Variants in LARGE1 observed in about 807,000 individuals in gnomAD.
The protein encoded by LARGE1 is xylosyl- and glucuronyltransferase LARGE1.
Under a neutral mutation model 87.6 loss-of-function variants are expected in LARGE1, and 43 were observed. That is an observed-to-expected ratio of 0.49 (90% confidence interval 0.38 to 0.63). LARGE1 has a LOEUF of 0.63. Ranked by LOEUF, LARGE1 falls within the 30% of genes least tolerant of loss-of-function variation. LARGE1 has a pLI of 0.00. For synonymous variants in LARGE1, 434 were observed against 394.6 expected, an observed-to-expected ratio of 1.10 and a Z score of -1.18; for missense variants, 802 against 1,000.2, an observed-to-expected ratio of 0.80 and a Z score of 2.67.
intron 1 of LARGE1, among the ~76,000 whole-genome samples, chr22:33,867,679 T>C (rs765908081): frequency 3.3e-5 from 5 of 152,244 alleles, no homozygotes; most frequent in Non-Finnish European, 7.3e-5. Flanking sequence ...TCACTGGATC[T>C]ACTTCGCACC....
intron 6 of LARGE1, among the ~76,000 whole-genome samples, chr22:33,559,941 G>A (rs1442710830): frequency 2.6e-5 from 4 of 152,058 alleles, no homozygotes; most frequent in African/African-American, 7.2e-5. Flanking sequence ...CTACAACCTG[G>A]TGTATATGGT....
intron 3 of LARGE1, among the ~76,000 whole-genome samples, chr22:33,626,939 A>T (rs2079940663): frequency 6.6e-6 from 1 of 152,200 alleles, no homozygotes; most frequent in Admixed American, 6.5e-5. Flanking sequence ...TGACCCTGGG[A>T]GTGCTGCAGG....
At chr22:33,534,466 C>T (rs1228431104) in intron 6 of LARGE1, among the ~76,000 whole-genome samples, 2 of 151,962 alleles carry the variant, frequency 1.3e-5, no homozygotes, top group South Asian at 2.1e-4. Context: ...ACTGCATCCA[C>T]GAGTGAGGGT....
At chr22:33,511,221 C>T (rs1036536975) in intron 6 of LARGE1, among the ~76,000 whole-genome samples, 10 of 152,166 alleles carry the variant, frequency 6.6e-5, no homozygotes, top group South Asian at 2.1e-4. Context: ...GTTGCTGATG[C>T]CAGCCACATG....
intron 2 of LARGE1, among the ~76,000 whole-genome samples, chr22:33,748,024 C>CA (rs535230421): frequency 0.13 from 2,869 of 21,680 alleles, 878 homozygotes; most frequent in Non-Finnish European, 0.2. Flanking sequence ...TCTGCTGGAG[C>CA]AAAAAAAAAA....
intron 1 of LARGE1, among the ~76,000 whole-genome samples, chr22:33,843,378 A>C (rs1303302359): frequency 6.6e-6 from 1 of 151,896 alleles, no homozygotes; most frequent in Non-Finnish European, 1.5e-5. Flanking sequence ...CAGAGTTTGC[A>C]GTGAGACGAG....
At chr22:33,712,126 G>A (rs1349525137) in intron 2 of LARGE1, among the ~76,000 whole-genome samples, 1 of 152,086 alleles carries the variant, frequency 6.6e-6, no homozygotes, top group Non-Finnish European at 1.5e-5. Flanking sequence ...TAGAGCTAAT[G>A]CCAAGATTCA....
At chr22:33,280,079 G>T (rs1300773719) in intron 13 of LARGE1, among the ~76,000 whole-genome samples, 1 of 152,132 alleles carries the variant, frequency 6.6e-6, no homozygotes, top group African/African-American at 2.4e-5. Context: ...CATCTAAGAG[G>T]AATTCAATAA....
intron 6 of LARGE1, among the ~76,000 whole-genome samples, chr22:33,560,981 A>AT (rs2077840315): frequency 4.0e-5 from 6 of 151,864 alleles, no homozygotes; most frequent in Admixed American, 3.9e-4. Flanking sequence ...CGCCCAGCTA[A>AT]TTTTTTGTAT....
intron 6 of LARGE1, among the ~76,000 whole-genome samples, chr22:33,495,829 G>C (rs2070088360): frequency 6.6e-6 from 1 of 152,164 alleles, no homozygotes; most frequent in Non-Finnish European, 1.5e-5. Flanking sequence ...ACTCTAACTG[G>C]ATCTGCTGTG....
intron 6 of LARGE1, among the ~76,000 whole-genome samples, chr22:33,487,583 C>T (rs188614727): frequency 1.3e-5 from 2 of 152,254 alleles, no homozygotes; most frequent in South Asian, 2.1e-4. Context: ...CTATCCATCT[C>T]GCAGGGTCAG....
At chr22:33,914,267 T>C (rs1023035319) in intron 1 of LARGE1, among the ~76,000 whole-genome samples, 3 of 152,190 alleles carry the variant, frequency 2.0e-5, no homozygotes, top group Non-Finnish European at 4.4e-5. Flanking sequence ...ATCTACCCAA[T>C]TGCTCTTCTA....
At chr22:33,392,314 G>C (rs971414875) in intron 7 of LARGE1, among the ~76,000 whole-genome samples, 5 of 152,008 alleles carry the variant, frequency 3.3e-5, no homozygotes, top group Admixed American at 1.3e-4. Flanking sequence ...ATCCTTATTT[G>C]TAATATAGTG....
chr22:33,521,595 G>A (rs997763896), intron 6 of LARGE1, among the ~76,000 whole-genome samples: 1 of 152,190 alleles, frequency 6.6e-6, no homozygotes, highest in African/African-American at 2.4e-5. Flanking sequence ...TTCAGGAAGT[G>A]GACATAGATG....
At chr22:33,561,241 T>C (rs764161834) in intron 6 of LARGE1, among the ~76,000 whole-genome samples, 12 of 152,248 alleles carry the variant, frequency 7.9e-5, no homozygotes, top group Middle Eastern at 3.4e-3. Context: ...AGCTCCACCA[T>C]TGTAATGGTG....
chr22:33,820,237 A>G (rs1265271251), intron 1 of LARGE1, among the ~76,000 whole-genome samples: 2 of 152,196 alleles, frequency 1.3e-5, no homozygotes, highest in Non-Finnish European at 2.9e-5. Flanking sequence ...AAGATCTGAC[A>G]TAAGGCCTGA....
chr22:33,569,652 C>CG (rs2078135632), intron 5 of LARGE1, among the ~76,000 whole-genome samples: 4 of 152,156 alleles, frequency 2.6e-5, no homozygotes, highest in Non-Finnish European at 5.9e-5. Flanking sequence ...CCCCCACCTC[C>CG]ATCCACATTC....
intron 1 of LARGE1, among the ~76,000 whole-genome samples, chr22:33,836,830 G>A (rs1601737590): frequency 6.6e-6 from 1 of 151,876 alleles, no homozygotes; most frequent in East Asian, 1.9e-4. Flanking sequence ...CATGTAAAGT[G>A]TGAGGCCAAG....
the LARGE1 span, among the ~76,000 whole-genome samples, chr22:33,074,092 C>T: frequency 1.3e-5 from 2 of 152,222 alleles, no homozygotes; most frequent in Admixed American, 1.3e-4. Flanking sequence ...AGGAAAGCAG[C>T]GTGACTGGGT....
Sources: gnomAD v4.1 joint callset for allele counts (sites outside exome capture counted in the v4.1 genomes callset) on GRCh38, gnomAD v4.1.1 for gene constraint, MANE v1.5 for transcripts, NCBI Gene and HGNC (gene_info 2026-07-23, HGNC 2026-07-21) for gene names.